The following TAOK3 variants were observed in gnomAD, a reference collection of about 807,000 sequenced individuals.
TAOK3 encodes the protein serine/threonine-protein kinase TAO3.
In TAOK3, 40 loss-of-function variants were observed where a neutral mutation model predicts 120.4. That is an observed-to-expected ratio of 0.33 (90% CI 0.26 to 0.43). The LOEUF (loss-of-function observed/expected upper bound fraction) is 0.43. TAOK3 is among the 20% of genes least tolerant of loss of function. The pLI is 1.00. For missense variants in TAOK3, 821 were observed against 1,112.1 expected (o/e 0.74, Z 3.72); for synonymous variants, 355 against 387.5 (o/e 0.92, Z 0.99).
chr12:118,322,130 C>G (rs140020789), intron 1 of TAOK3, among the ~76,000 whole-genome samples: 122 of 152,088 alleles, frequency 8.0e-4, no homozygotes, highest in African/African-American at 2.8e-3. Context: ...GCCCAGCCAA[C>G]ATGGCGAAAC....
intron 9 of TAOK3, among the ~76,000 whole-genome samples, chr12:118,227,529 T>C (rs2039566612): frequency 6.6e-6 from 1 of 152,100 alleles, no homozygotes; most frequent in Non-Finnish European, 1.5e-5. Context: ...TACAATTAAC[T>C]GTTACTGAGC....
chr12:118,204,933 C>T (rs377339742), intron 11 of TAOK3, among the ~76,000 whole-genome samples: 7 of 151,046 alleles, frequency 4.6e-5, no homozygotes, highest in Admixed American at 1.3e-4. Flanking sequence ...TTGGGGAGGC[C>T]GAGGCAGGGG....
intron 1 of TAOK3, among the ~76,000 whole-genome samples, chr12:118,335,182 C>A (rs1357946540): frequency 1.5e-5 from 2 of 135,506 alleles, no homozygotes; most frequent in Non-Finnish European, 3.2e-5. Flanking sequence ...AAAACTATGT[C>A]TCAAAAAAAA....
intron 1 of TAOK3, among the ~76,000 whole-genome samples, chr12:118,292,400 T>C (rs1384277712): frequency 6.6e-6 from 1 of 152,164 alleles, no homozygotes; most frequent in African/African-American, 2.4e-5. Flanking sequence ...CAGAAAGAAG[T>C]AAGAGTTACT....
chr12:118,284,163 GT>G (rs887263440), intron 1 of TAOK3, among the ~76,000 whole-genome samples: 1 of 151,922 alleles, frequency 6.6e-6, no homozygotes, highest in African/African-American at 2.4e-5. Context: ...ATCTTTCTTT[GT>G]TTTTGATATT....
At position 118,335,453 on chromosome 12, in the gene TAOK3, T is replaced by C. The variant is rs1034406617; in HGVS notation, c.-194+37195A>G. 3.9e-5 allele frequency among the ~76,000 whole-genome samples: 6 copies of C among 152,258 alleles called. No homozygotes were observed. The East Asian group carries it at 7.7e-4, about 20-fold the overall frequency. On this transcript the variant is annotated intron_variant, in intron 1 of 20. Transcript: ENST00000392533. ...AGTAGTTCTTTAACCATGAAAGACA[T>C]TGCCTTTGTAATGAAAAGCCTCCTG...
At chr12:118,154,960 G>T (rs1460837916) in intron 19 of TAOK3, among the ~76,000 whole-genome samples, 3 of 151,890 alleles carry the variant, frequency 2.0e-5, no homozygotes, top group African/African-American at 7.3e-5. Context: ...TACAGCCCAT[G>T]GGCCAAATCT....
chr12:118,247,275 A>G (rs2040556574), intron 3 of TAOK3, among the ~76,000 whole-genome samples: 1 of 152,186 alleles, frequency 6.6e-6, no homozygotes, highest in African/African-American at 2.4e-5. Flanking sequence ...TATATTTTAT[A>G]ATAAGACTGT....
In TAOK3 at chr12:118,160,976, T is replaced by C. The variant is rs959970154; in HGVS notation, c.2140-618A>G. Reference sequence around the variant, plus strand: ...AAGAGGTTGTGCTTGCATGTAGCAATATAAAATATGCATTTGGGCAAAGAG... The same window carrying C: ...AAGAGGTTGTGCTTGCATGTAGCAACATAAAATATGCATTTGGGCAAAGAG... On this transcript the variant is annotated intron_variant, in intron 18 of 20. Coordinates refer to ENST00000392533, the MANE Select transcript of TAOK3 (RefSeq NM_016281.4). This position sits in a 1 kb window ranked among gnomAD's most constrained non-coding sequence, Gnocchi z 4.2. 3.3e-5 allele frequency among the ~76,000 whole-genome samples: 5 copies of C among 152,238 alleles called. No individual in the cohort carries two copies. Among genetic ancestry groups the C allele is most frequent in the African/African-American group, 7.2e-5 (3 of 41,466 alleles).
rs1050842354 is a variant in TAOK3, at chr12:118,372,379, C to G, written c.-194+269G>C. On this transcript the variant is annotated intron_variant, in intron 1 of 20. Transcript: ENST00000392533. This position sits in a 1 kb window ranked among gnomAD's most constrained non-coding sequence, Gnocchi z 4.6. ...CCACTACCCCAGCCCCTCTCCGGGT[C>G]CCTTCCTCTCACGCGCACTGTCCCG... Among the ~76,000 whole-genome samples the G allele has an allele frequency of 7.1e-5, 10 of 141,024 alleles. No homozygotes were observed. Among genetic ancestry groups the G allele is most frequent in the Non-Finnish European group, 1.4e-4 (9 of 64,876 alleles). 92.5% of individuals were successfully genotyped at this position (141,024 alleles called of 152,430 possible).
At chr12:118,342,334 G>C (rs1394695614) in intron 1 of TAOK3, among the ~76,000 whole-genome samples, 1 of 152,152 alleles carries the variant, frequency 6.6e-6, no homozygotes, top group Non-Finnish European at 1.5e-5. Flanking sequence ...AGTTTTATTA[G>C]CACAACATGA....
chr12:118,290,863 C>T (rs1012792606), intron 1 of TAOK3, among the ~76,000 whole-genome samples: 3 of 151,678 alleles, frequency 2.0e-5, no homozygotes, highest in Admixed American at 6.6e-5. Flanking sequence ...TGAACTATAC[C>T]ATCATATGTC....
chr12:118,164,609 G>A (rs2454756), intron 17 of TAOK3, among the ~76,000 whole-genome samples: 3 of 151,766 alleles, frequency 2.0e-5, no homozygotes, highest in African/African-American at 7.3e-5. Flanking sequence ...GTATAGATGG[G>A]GTTTCACCAT....
At chr12:118,250,769 A>C (rs1168277420) in intron 3 of TAOK3, among the ~76,000 whole-genome samples, 1 of 152,202 alleles carries the variant, frequency 6.6e-6, no homozygotes, top group Non-Finnish European at 1.5e-5. Context: ...TGCCACAAAG[A>C]AGGGTATTTG....
At chr12:118,189,969 A>G (rs1304245204) in intron 13 of TAOK3, 28 bp from the exon 14 acceptor site, 1 of 1,612,172 alleles carries the variant, frequency 6.2e-7, no homozygotes, top group Admixed American at 1.7e-5. Flanking sequence ...AACAAGGAGA[A>G]AGTCCAGCTG....
chr12:118,185,430 T>A (rs1055937699), intron 14 of TAOK3, among the ~76,000 whole-genome samples: 1 of 152,144 alleles, frequency 6.6e-6, no homozygotes, highest in Non-Finnish European at 1.5e-5. Flanking sequence ...TGGCTGATGA[T>A]GTTACCCTCT....
chr12:118,189,387 T>C (rs1476113188), intron 14 of TAOK3, among the ~76,000 whole-genome samples: 1 of 152,168 alleles, frequency 6.6e-6, no homozygotes, highest in African/African-American at 2.4e-5. Context: ...GTGCCGTGCA[T>C]ACATATACAT....
chr12:118,300,473 G>A (rs959756257), intron 1 of TAOK3, among the ~76,000 whole-genome samples: 17 of 152,108 alleles, frequency 1.1e-4, no homozygotes, highest in African/African-American at 4.1e-4. Flanking sequence ...TACCAAAGAG[G>A]CGAGGATTAG....
chr12:118,360,368 C>T lies in TAOK3; in HGVS notation c.-194+12280G>A, dbSNP rs183889664. Among the ~76,000 whole-genome samples, 368 of 151,382 alleles carry T rather than the reference C, an allele frequency of 2.4e-3. 2 individuals carry two copies. The highest frequency in any genetic ancestry group is 8.7e-3 in the African/African-American group (358 of 41,232). ...GGATCACGAGGTCAGGAGATCGACA[C>T]CATCCTGGCTAACATGGTGAAACCT... On this transcript the variant is annotated intron_variant, in intron 1 of 20. Coordinates refer to ENST00000392533, the MANE Select transcript of TAOK3 (RefSeq NM_016281.4).
Sources: gnomAD v4.1 joint callset for allele counts (sites outside exome capture counted in the v4.1 genomes callset) on GRCh38, gnomAD v4.1.1 for gene constraint, Gnocchi (gnomAD v3.1) non-coding constraint, MANE v1.5 for transcripts, NCBI Gene and HGNC (gene_info 2026-07-23, HGNC 2026-07-21) for gene names.